DLG2: variants seen among roughly 807,000 people sequenced by gnomAD.
DLG2 encodes the protein disks large homolog 2.
Under a neutral mutation model 132.5 loss-of-function variants are expected in DLG2, and 45 were observed. The ratio of observed to expected loss-of-function variants is 0.34; its 90% CI spans 0.27 to 0.44. DLG2 has a LOEUF of 0.44. Ranked by LOEUF, DLG2 falls within the 20% of genes least tolerant of loss-of-function variation. The probability of loss-of-function intolerance (pLI) is 1.00; values close to 1 mark genes in which losing one functional copy is unlikely to be tolerated. For missense variants in DLG2, 1,045 were observed against 1,196.9 expected (o/e 0.87, Z 1.87); for synonymous variants, 424 against 419.6 (o/e 1.01, Z -0.13).
chr11:84,890,926 A>T (rs1266938685), intron 6 of DLG2: 1 of 152,160 alleles, frequency 6.6e-6, no homozygotes, highest in African/African-American at 2.4e-5. Context: ...TGTCTGGATG[A>T]TTCCTCTTGG....
At chr11:85,448,208 GA>G (rs1269228423) in intron 3 of DLG2, among the ~76,000 whole-genome samples, 1 of 152,134 alleles carries the variant, frequency 6.6e-6, no homozygotes, top group Non-Finnish European at 1.5e-5. Context: ...AGCCCTATCA[GA>G]AAAGGATATC....
chr11:83,476,481 C>T (rs1469802461), intron 22 of DLG2, among the ~76,000 whole-genome samples: 1 of 152,112 alleles, frequency 6.6e-6, no homozygotes, highest in East Asian at 1.9e-4. Flanking sequence ...AGAACTGAGT[C>T]TCAAAGACTT....
intron 10 of DLG2, among the ~76,000 whole-genome samples, chr11:84,069,821 G>T (rs923299555): frequency 6.6e-6 from 1 of 152,174 alleles, no homozygotes; most frequent in Admixed American, 6.5e-5. Context: ...TTCAAGCTAG[G>T]CTACTTAATG....
At chr11:85,079,544 C>T (rs1443337723) in intron 6 of DLG2, among the ~76,000 whole-genome samples, 1 of 149,570 alleles carries the variant, frequency 6.7e-6, no homozygotes, top group Non-Finnish European at 1.5e-5. Flanking sequence ...TTGCCAGAGG[C>T]AACATCAATG....
At chr11:83,847,345 C>T (rs573902974) in intron 16 of DLG2, among the ~76,000 whole-genome samples, 7 of 152,234 alleles carry the variant, frequency 4.6e-5, no homozygotes, top group African/African-American at 1.4e-4. Context: ...AGGCAAAGTA[C>T]ACTTTATGAA....
At chr11:85,343,649 C>T (rs565634208) in intron 3 of DLG2, among the ~76,000 whole-genome samples, 16 of 152,016 alleles carry the variant, frequency 1.1e-4, no homozygotes, top group East Asian at 3.9e-4. Context: ...CACACACGCG[C>T]GTACACGCAC....
rs566828873 is a variant in DLG2, at chr11:84,050,939, A to G, written c.919+8376T>C. Among the ~76,000 whole-genome samples, 258 of 152,060 alleles carry G rather than the reference A, an allele frequency of 1.7e-3. 2 individuals are homozygous for G. The highest frequency in any genetic ancestry group is 5.9e-3 in the African/African-American group (243 of 41,504). On this transcript the variant is annotated intron_variant, in intron 11 of 27. Coordinates refer to ENST00000376104, the MANE Select transcript of DLG2 (RefSeq NM_001142699.3). ...ACTGTAGCCTTGTAATATAGTTTGAAGCCAGGTAGCAAGATGCCTCCAGCT... is the reference window on the plus strand; with the variant it reads ...ACTGTAGCCTTGTAATATAGTTTGAGGCCAGGTAGCAAGATGCCTCCAGCT...
At chr11:84,489,406 C>T (rs1473513563) in intron 7 of DLG2, among the ~76,000 whole-genome samples, 1 of 152,016 alleles carries the variant, frequency 6.6e-6, no homozygotes, top group Non-Finnish European at 1.5e-5. Flanking sequence ...AAATGTGTTT[C>T]TGAAATATAT....
At chr11:85,195,196 T>C (rs1262588251) in intron 4 of DLG2, among the ~76,000 whole-genome samples, 5 of 152,176 alleles carry the variant, frequency 3.3e-5, no homozygotes. Flanking sequence ...GAGAGGCTAT[T>C]GTAATCAGTA....
At chr11:84,808,665 A>T (rs576479184) in intron 6 of DLG2, among the ~76,000 whole-genome samples, 3 of 152,130 alleles carry the variant, frequency 2.0e-5, no homozygotes, top group Middle Eastern at 3.4e-3. Context: ...AGAAGTGAGT[A>T]CTACAAACAG....
At chr11:83,582,923 T>C (rs1749043813) in intron 19 of DLG2, among the ~76,000 whole-genome samples, 1 of 152,214 alleles carries the variant, frequency 6.6e-6, no homozygotes, top group African/African-American at 2.4e-5. Context: ...ATAGGTATTA[T>C]TTCCATTTAA....
chr11:85,163,206 TACACACACACAC>T (rs776985320), intron 4 of DLG2, among the ~76,000 whole-genome samples: 1 of 148,170 alleles, frequency 6.7e-6, no homozygotes, highest in Non-Finnish European at 1.5e-5. Context: ...TTATATATAT[TACACACACACAC>T]ACACAGACAC....
intron 7 of DLG2, among the ~76,000 whole-genome samples, chr11:84,428,438 T>C (rs1055792606): frequency 1.3e-5 from 2 of 152,206 alleles, no homozygotes; most frequent in African/African-American, 4.8e-5. Context: ...ATTAGGTGGC[T>C]TAAACAAAAG....
intron 18 of DLG2, among the ~76,000 whole-genome samples, chr11:83,696,686 AT>A (rs1360652557): frequency 6.6e-6 from 1 of 152,232 alleles, no homozygotes; most frequent in African/African-American, 2.4e-5. Flanking sequence ...CGAGAGGGAA[AT>A]GAGGCAGCCT....
At chr11:84,501,442 G>A (rs941567776) in intron 7 of DLG2, among the ~76,000 whole-genome samples, 8 of 152,170 alleles carry the variant, frequency 5.3e-5, no homozygotes, top group African/African-American at 1.9e-4. Context: ...GTGCATGCCT[G>A]TAGTCCTAGA....
At chr11:85,212,077 T>C (rs796990790) in intron 4 of DLG2, among the ~76,000 whole-genome samples, 2 of 152,246 alleles carry the variant, frequency 1.3e-5, no homozygotes, top group African/African-American at 4.8e-5. Context: ...CTATCCATCA[T>C]ATATCCATAT....
At chr11:83,742,042 C>T (rs976960555) in intron 18 of DLG2, among the ~76,000 whole-genome samples, 11 of 152,120 alleles carry the variant, frequency 7.2e-5, no homozygotes, top group Non-Finnish European at 1.5e-4. Flanking sequence ...ATTTCTTGGG[C>T]ACAAGGAGTA....
At chr11:85,484,402 G>C (rs1370115647) in intron 3 of DLG2, among the ~76,000 whole-genome samples, 2 of 150,954 alleles carry the variant, frequency 1.3e-5, no homozygotes, top group African/African-American at 2.5e-5. Flanking sequence ...ACTACCATCA[G>C]AGTGAACAGG....
At chr11:85,037,624 G>A (rs958336104) in intron 6 of DLG2, among the ~76,000 whole-genome samples, 7 of 126,642 alleles carry the variant, frequency 5.5e-5, no homozygotes, top group East Asian at 2.8e-4. Context: ...ATCTTAAAAC[G>A]TAAACCCTCT....
Sources: gnomAD v4.1 joint callset for allele counts (sites outside exome capture counted in the v4.1 genomes callset) on GRCh38, gnomAD v4.1.1 for gene constraint, MANE v1.5 for transcripts, NCBI Gene and HGNC (gene_info 2026-07-23, HGNC 2026-07-21) for gene names.